The following PPFIA2 variants were observed in gnomAD, a reference collection of about 807,000 sequenced individuals.
PPFIA2 encodes liprin-alpha-2.
PPFIA2 carries 46 observed loss-of-function variants against 175.5 expected under a neutral mutation model. The ratio of observed to expected loss-of-function variants is 0.26; its 90% CI spans 0.21 to 0.34. The LOEUF is 0.34. PPFIA2 is among the 10% of genes least tolerant of loss of function. The pLI is 1.00. For missense variants in PPFIA2, 1,179 were observed against 1,506.1 expected (o/e 0.78, Z 3.60); for synonymous variants, 568 against 511.4 (o/e 1.11, Z -1.49).
At position 81,447,632 on chromosome 12, in the gene PPFIA2, C is replaced by G. The variant is rs576963691; in HGVS notation, c.406-1912G>C. On this transcript the variant is annotated intron_variant, in intron 5 of 32. Transcript: ENST00000549396. ...TTTCTTCAGAATATTTTATGATATG[C>G]AATTTAAACAAATTTTTCTACCAAA... Among the ~76,000 whole-genome samples, 17 of 152,250 alleles carry G rather than the reference C, an allele frequency of 1.1e-4. No homozygotes were observed. The East Asian group carries it at 3.3e-3, about 29-fold the overall frequency.
intron 4 of PPFIA2, among the ~76,000 whole-genome samples, chr12:81,544,405 C>A (rs2066679155): frequency 6.6e-6 from 1 of 152,066 alleles, no homozygotes; most frequent in Non-Finnish European, 1.5e-5. Flanking sequence ...CATGCCCAGT[C>A]TCCAGAGCAG....
At chr12:81,438,948 A>G (rs944272866) in intron 7 of PPFIA2, among the ~76,000 whole-genome samples, 3 of 152,052 alleles carry the variant, frequency 2.0e-5, no homozygotes, top group Non-Finnish European at 4.4e-5. Context: ...GTACCCATTA[A>G]TCAACCCTCT....
chr12:81,636,981 C>A (rs11114952), intron 4 of PPFIA2, among the ~76,000 whole-genome samples: 1 of 152,000 alleles, frequency 6.6e-6, no homozygotes, highest in Non-Finnish European at 1.5e-5. Flanking sequence ...TTCCATTTTT[C>A]TTAAAATGGA....
intron 4 of PPFIA2, among the ~76,000 whole-genome samples, chr12:81,510,537 A>C (rs2061657034): frequency 6.6e-6 from 1 of 152,144 alleles, no homozygotes; most frequent in South Asian, 2.1e-4. Context: ...TATTTCTTTA[A>C]TTCTAAAGAC....
At chr12:81,341,969 G>A (rs372231067) in intron 19 of PPFIA2, among the ~76,000 whole-genome samples, 1 of 152,026 alleles carries the variant, frequency 6.6e-6, no homozygotes, top group Non-Finnish European at 1.5e-5. Flanking sequence ...TAAAATATGA[G>A]TTGTGGTTTG....
At chr12:81,332,350 C>T (rs1170946662) in intron 21 of PPFIA2, among the ~76,000 whole-genome samples, 1 of 152,104 alleles carries the variant, frequency 6.6e-6, no homozygotes, top group Non-Finnish European at 1.5e-5. Context: ...AACGCCATTT[C>T]CATGACATTC....
intron 4 of PPFIA2, among the ~76,000 whole-genome samples, chr12:81,464,653 T>C (rs1052437011): frequency 1.3e-5 from 2 of 152,132 alleles, no homozygotes; most frequent in East Asian, 1.9e-4. Flanking sequence ...GGGCAAAGCA[T>C]AGATTCACTC....
chr12:81,333,232 G>T (rs937143916), intron 21 of PPFIA2, among the ~76,000 whole-genome samples: 2 of 152,048 alleles, frequency 1.3e-5, no homozygotes, highest in African/African-American at 4.8e-5. Context: ...TTCTTACATC[G>T]AGATGAAGAA....
intron 6 of PPFIA2, among the ~76,000 whole-genome samples, chr12:81,441,824 G>A (rs1479431191): frequency 2.0e-5 from 3 of 151,906 alleles, no homozygotes; most frequent in Non-Finnish European, 2.9e-5. Flanking sequence ...TAGTTGATGA[G>A]AACAGCAATA....
chr12:81,329,920 C>T (rs1266837522), intron 21 of PPFIA2, among the ~76,000 whole-genome samples: 2 of 152,206 alleles, frequency 1.3e-5, no homozygotes, highest in South Asian at 4.1e-4. Context: ...CAGCCCTGAA[C>T]TTTCCCAGAC....
At chr12:81,341,358 AAT>A (rs1303123110) in intron 19 of PPFIA2, 150 bp from the exon 20 acceptor site, 2 of 613,434 alleles carry the variant, frequency 3.3e-6, no homozygotes, top group African/African-American at 1.9e-5. Context: ...TACATACATA[AAT>A]TCCCATTAAA....
intron 4 of PPFIA2, among the ~76,000 whole-genome samples, chr12:81,663,950 A>G (rs895654741): frequency 6.6e-6 from 1 of 152,214 alleles, no homozygotes; most frequent in African/African-American, 2.4e-5. Flanking sequence ...AGGATTCCCT[A>G]TTTAATAAAT....
chr12:81,345,950 C>T (rs981081227), intron 18 of PPFIA2, among the ~76,000 whole-genome samples: 6 of 152,034 alleles, frequency 3.9e-5, no homozygotes, highest in African/African-American at 1.4e-4. Context: ...GGCATTTTTT[C>T]TGGTTGGCCA....
chr12:81,455,394 A>C (rs1268259083), intron 5 of PPFIA2, among the ~76,000 whole-genome samples: 2 of 152,164 alleles, frequency 1.3e-5, no homozygotes, highest in Non-Finnish European at 2.9e-5. Context: ...CCTCCACATC[A>C]CTGCTTTAAA....
In PPFIA2 at chr12:81,384,107, C is replaced by A. The variant is rs535759688; in HGVS notation, c.900G>T (p.Glu300Asp). 6.2e-7 allele frequency: 1 copy of A among 1,613,264 alleles called. No homozygotes were observed. Among genetic ancestry groups the A allele is most frequent in the African/African-American group, 1.3e-5 (1 of 74,988 alleles). ...RLAALSSRVG[E>D]VEQEAETARK... ...TTGCTGTCTCTGCTTCCTGTTCCAC[C>A]TCTCCCACTCGGGAAGAAAGGGCTG... The change falls in exon 9 of 33, where the codon GAG (glutamate) becomes GAT (aspartate). Residue 300 changes from glutamate to aspartate, a missense_variant. By Grantham distance (45) the Glu-to-Asp change is conservative. Around this residue, in one of 10 missense-constraint regions of PPFIA2, gnomAD observed 226 missense variants for 216.6 expected, o/e 1.04. Coordinates refer to ENST00000549396, the MANE Select transcript of PPFIA2 (RefSeq NM_003625.5).
At chr12:81,494,454 G>T (rs2059793351) in intron 4 of PPFIA2, among the ~76,000 whole-genome samples, 1 of 152,162 alleles carries the variant, frequency 6.6e-6, no homozygotes, top group South Asian at 2.1e-4. Context: ...ACAGGTGCTG[G>T]TGAGGAAGTG....
intron 24 of PPFIA2, among the ~76,000 whole-genome samples, chr12:81,288,652 C>T (rs1455844687): frequency 6.6e-6 from 1 of 151,642 alleles, no homozygotes. Context: ...GTTAAAGTAA[C>T]TTTTGTTACT....
chr12:81,678,936 T>TA (rs200699398), intron 3 of PPFIA2, among the ~76,000 whole-genome samples: 171 of 151,702 alleles, frequency 1.1e-3, no homozygotes, highest in Middle Eastern at 0.01. Context: ...ATGCCCAACA[T>TA]AAAAAAAATC....
intron 4 of PPFIA2, among the ~76,000 whole-genome samples, chr12:81,508,453 G>A (rs368719996): frequency 6.2e-5 from 9 of 144,912 alleles, no homozygotes; most frequent in East Asian, 2.0e-4. Flanking sequence ...CCCAGGAGGC[G>A]GAAGTTGTGG....
Sources: allele counts gnomAD v4.1 joint callset (sites outside exome capture counted in the v4.1 genomes callset), GRCh38; gene constraint gnomAD v4.1.1; regional missense constraint gnomAD v4.1.1; transcripts MANE v1.5; gene names NCBI Gene and HGNC (gene_info 2026-07-23, HGNC 2026-07-21).